ABCA13: variants seen among roughly 807,000 people sequenced by gnomAD.
ABCA13 encodes ATP binding cassette subfamily A member 13.
ABCA13 carries 476 observed loss-of-function variants against 478.7 expected under a neutral mutation model. The ratio of observed to expected loss-of-function variants is 0.99; its 90% CI spans 0.92 to 1.07. ABCA13 has a LOEUF of 1.07. Among genes scored for constraint, ABCA13 ranks in the 50% least tolerant of loss-of-function variants. ABCA13 has a pLI of 0.00. For synonymous variants in ABCA13, 2,252 were observed against 2,158.9 expected, an observed-to-expected ratio of 1.04 and a Z score of -1.20; for missense variants, 6,060 against 5,910.6, an observed-to-expected ratio of 1.03 and a Z score of -0.83.
At chr7:48,529,299 C>A (rs755680361) in intron 55 of ABCA13, among the ~76,000 whole-genome samples, 2 of 152,186 alleles carry the variant, frequency 1.3e-5, no homozygotes, top group Non-Finnish European at 2.9e-5. Flanking sequence ...AATTTCATAG[C>A]CAGTTTCTGG....
At chr7:48,565,516 G>A (rs149238347) in intron 55 of ABCA13, among the ~76,000 whole-genome samples, 10 of 152,100 alleles carry the variant, frequency 6.6e-5, no homozygotes, top group Non-Finnish European at 1.2e-4. Flanking sequence ...GGTTATATAG[G>A]TGTGTATGTG....
intron 10 of ABCA13, among the ~76,000 whole-genome samples, chr7:48,241,655 C>G (rs1331351633): frequency 6.6e-6 from 1 of 152,142 alleles, no homozygotes; most frequent in Non-Finnish European, 1.5e-5. Context: ...GAAGTTAAGG[C>G]TGTCTTTGGA....
intron 15 of ABCA13, among the ~76,000 whole-genome samples, chr7:48,255,544 A>G (rs1271382104): frequency 6.6e-6 from 1 of 152,086 alleles, no homozygotes; most frequent in Non-Finnish European, 1.5e-5. Flanking sequence ...CCACTTATAA[A>G]TGGGAACATG....
chr7:48,289,588 T>C (rs1451699608), intron 20 of ABCA13, among the ~76,000 whole-genome samples: 2 of 152,122 alleles, frequency 1.3e-5, no homozygotes, highest in Admixed American at 1.3e-4. Context: ...CTTGAACTCC[T>C]GATCTCGTGA....
At chr7:48,609,666 G>A (rs1231337273) in intron 58 of ABCA13, among the ~76,000 whole-genome samples, 1 of 152,064 alleles carries the variant, frequency 6.6e-6, no homozygotes, top group Non-Finnish European at 1.5e-5. Flanking sequence ...TATAACTCCT[G>A]AAATATCTGC....
chr7:48,370,278 C>G (rs1261416898), intron 32 of ABCA13, among the ~76,000 whole-genome samples: 2 of 152,006 alleles, frequency 1.3e-5, no homozygotes, highest in African/African-American at 4.8e-5. Context: ...TTTATCAGTT[C>G]TAGGAGCTTT....
chr7:48,479,590 T>C (rs1828548688), intron 45 of ABCA13, among the ~76,000 whole-genome samples: 1 of 152,228 alleles, frequency 6.6e-6, no homozygotes, highest in Non-Finnish European at 1.5e-5. Context: ...GTCATTATGT[T>C]GTACAATAGA....
At chr7:48,352,619 A>C in intron 31 of ABCA13, 132 bp downstream of exon 31, 1 of 1,059,300 alleles carries the variant, frequency 9.4e-7, no homozygotes, top group Non-Finnish European at 1.3e-6. Context: ...CCACTTTTTA[A>C]TTTCGTAAGG....
intron 57 of ABCA13, among the ~76,000 whole-genome samples, chr7:48,593,239 C>A: frequency 1.1e-5 from 1 of 89,358 alleles, no homozygotes; most frequent in South Asian, 3.3e-4. Context: ...GTTTTTTTTT[C>A]TTTTGTGTGT....
intron 1 of ABCA13, among the ~76,000 whole-genome samples, chr7:48,189,066 G>C (rs1796742315): frequency 6.6e-6 from 1 of 152,116 alleles, no homozygotes; most frequent in Non-Finnish European, 1.5e-5. Flanking sequence ...CTTGAGAGGA[G>C]AGCCTGTGGC....
chr7:48,209,426 T>C (rs1338151675), intron 3 of ABCA13, among the ~76,000 whole-genome samples: 1 of 152,114 alleles, frequency 6.6e-6, no homozygotes, highest in Non-Finnish European at 1.5e-5. Flanking sequence ...TTTGGATTAG[T>C]TTGAGTAGGA....
intron 58 of ABCA13, among the ~76,000 whole-genome samples, chr7:48,602,944 C>G (rs1791065867): frequency 6.6e-6 from 1 of 152,120 alleles, no homozygotes; most frequent in South Asian, 2.1e-4. Flanking sequence ...AGGTACTTCA[C>G]ATTCCTTGTA....
intron 27 of ABCA13, among the ~76,000 whole-genome samples, chr7:48,332,549 G>GA (rs1400669872): frequency 2.6e-5 from 4 of 152,174 alleles, no homozygotes; most frequent in Non-Finnish European, 5.9e-5. Flanking sequence ...AAAACTCATG[G>GA]AAAACAGTAT....
At chr7:48,530,142 G>A (rs1365100133) in intron 55 of ABCA13, among the ~76,000 whole-genome samples, 2 of 151,936 alleles carry the variant, frequency 1.3e-5, no homozygotes, top group Non-Finnish European at 2.9e-5. Context: ...TTATGCCTTT[G>A]TGTCCTAATA....
chr7:48,362,741 T>A (rs879465195), intron 31 of ABCA13, among the ~76,000 whole-genome samples: 1 of 151,968 alleles, frequency 6.6e-6, no homozygotes, highest in Non-Finnish European at 1.5e-5. Context: ...TCACAAGCAA[T>A]AAAAACTTAA....
intron 48 of ABCA13, among the ~76,000 whole-genome samples, chr7:48,491,629 T>C (rs948071903): frequency 2.0e-5 from 3 of 152,190 alleles, no homozygotes; most frequent in African/African-American, 7.2e-5. Flanking sequence ...GACTTGTTGA[T>C]GCATCATCAT....
chr7:48,401,231 T>C (rs537059296), intron 38 of ABCA13, among the ~76,000 whole-genome samples: 33 of 152,228 alleles, frequency 2.2e-4, no homozygotes, highest in Non-Finnish European at 4.4e-4. Context: ...ACCCAGTGTA[T>C]GATACATGTC....
intron 58 of ABCA13, among the ~76,000 whole-genome samples, chr7:48,597,246 G>C (rs1318697685): frequency 6.6e-6 from 1 of 152,112 alleles, no homozygotes; most frequent in African/African-American, 2.4e-5. Context: ...CACCATGCCC[G>C]GCCTATGGCA....
rs1310898833 is a variant in ABCA13, at chr7:48,275,058, C to A, written c.5392C>A (p.Leu1798Ile). The A allele has an allele frequency of 3.7e-6, 6 of 1,613,480 alleles. No individual in the cohort carries two copies. The highest frequency in any genetic ancestry group is 5.1e-6 in the Non-Finnish European group (6 of 1,179,634). Reference protein sequence around the residue: ...KEDFAIVIKILLDTIELVSDK... With the variant: ...KEDFAIVIKIILDTIELVSDK... ...AGACTTCGCAATTGTGATAAAAATTCTTTTGGATACAATTGAATTAGTATC... is the reference window on the plus strand; with the variant it reads ...AGACTTCGCAATTGTGATAAAAATTATTTTGGATACAATTGAATTAGTATC... The change falls in exon 17 of 62, where the codon CTT (leucine) becomes ATT (isoleucine). Residue 1798 changes from leucine to isoleucine, a missense_variant. Physicochemically the swap from Leu to Ile is conservative, Grantham distance 5. Around this residue, in one of 3 missense-constraint regions of ABCA13, gnomAD observed 4,423 missense variants for 4,309.1 expected, o/e 1.03. Coordinates refer to ENST00000435803, the MANE Select transcript of ABCA13 (RefSeq NM_152701.5).
Sources: gnomAD v4.1 joint callset for allele counts (sites outside exome capture counted in the v4.1 genomes callset) on GRCh38, gnomAD v4.1.1 for gene constraint, gnomAD v4.1.1 regional missense constraint, MANE v1.5 for transcripts, NCBI Gene and HGNC (gene_info 2026-07-23, HGNC 2026-07-21) for gene names.